Variants in PPEF1 observed in about 807,000 individuals in gnomAD.
PPEF1 encodes serine/threonine-protein phosphatase with EF-hands 1.
PPEF1 carries 12 observed loss-of-function variants against 53.3 expected under a neutral mutation model. The ratio of observed to expected loss-of-function variants is 0.23; its 90% CI spans 0.14 to 0.36. The LOEUF (loss-of-function observed/expected upper bound fraction) is 0.36. Among genes scored for constraint, PPEF1 ranks in the 10% least tolerant of loss-of-function variants. PPEF1 has a pLI of 1.00. For missense variants in PPEF1, 334 were observed against 490.4 expected (o/e 0.68, Z 3.01); for synonymous variants, 165 against 176.7 (o/e 0.93, Z 0.52).
chrX:18,692,080 A>T (rs1407508838), intron 4 of PPEF1, among the ~76,000 whole-genome samples: 1 of 111,557 alleles, frequency 9.0e-6, no homozygotes, highest in African/African-American at 3.3e-5. Flanking sequence ...ATCTTCTCTA[A>T]TCACTTCAGC....
intron 4 of PPEF1, among the ~76,000 whole-genome samples, chrX:18,692,815 G>A (rs1254651869): frequency 9.0e-6 from 1 of 111,650 alleles, no homozygotes; most frequent in East Asian, 2.8e-4. Flanking sequence ...CAGTCTGTAC[G>A]GCATTTTGAG....
At chrX:18,805,838 TC>T (rs1216747912) in intron 11 of PPEF1, among the ~76,000 whole-genome samples, 6 of 51,351 alleles carry the variant, frequency 1.2e-4, no homozygotes, top group Admixed American at 6.2e-4. Flanking sequence ...CGAGACTCCA[TC>T]TTAAAAAAAA....
chrX:18,731,075 G>A (rs889528227), intron 2 of PPEF1, among the ~76,000 whole-genome samples: 5 of 112,546 alleles, frequency 4.4e-5, no homozygotes, highest in Admixed American at 2.8e-4. Context: ...TTTTAAAAAA[G>A]TACTTTTAAC....
intron 4 of PPEF1, among the ~76,000 whole-genome samples, chrX:18,756,248 T>C (rs1422357283): frequency 7.2e-5 from 8 of 110,900 alleles, no homozygotes; most frequent in Non-Finnish European, 1.5e-4. Context: ...GGCGCAATCT[T>C]GGCTCACTGC....
intron 4 of PPEF1, among the ~76,000 whole-genome samples, chrX:18,750,295 A>G (rs757890500): frequency 1.8e-5 from 2 of 111,374 alleles, no homozygotes; most frequent in East Asian, 2.8e-4. Context: ...ATCACTCCCA[A>G]TAGAAAGGCC....
At chrX:18,720,767 C>T (rs1406089123) in intron 1 of PPEF1, among the ~76,000 whole-genome samples, 1 of 110,900 alleles carries the variant, frequency 9.0e-6, no homozygotes, top group African/African-American at 3.3e-5. Context: ...ACTCTCCACC[C>T]ACTCTGAGCC....
chrX:18,809,577 C>T (rs2046762482), intron 12 of PPEF1, among the ~76,000 whole-genome samples: 1 of 109,060 alleles, frequency 9.2e-6, no homozygotes, highest in Non-Finnish European at 1.9e-5. Context: ...TGATGGCGCA[C>T]ACCTGTAATC....
chrX:18,753,261 A>G (rs2045480681), intron 4 of PPEF1, among the ~76,000 whole-genome samples: 1 of 111,171 alleles, frequency 9.0e-6, no homozygotes, highest in African/African-American at 3.3e-5. Context: ...CATCTCATCT[A>G]AGTAATCTAA....
chrX:18,740,687 G>A (rs2045132603), intron 3 of PPEF1, among the ~76,000 whole-genome samples: 1 of 111,489 alleles, frequency 9.0e-6, no homozygotes, highest in African/African-American at 3.3e-5. Flanking sequence ...GGGATTACAG[G>A]CATGAGCCAC....
intron 1 of PPEF1, among the ~76,000 whole-genome samples, chrX:18,714,837 A>T (rs2147310309): frequency 8.9e-6 from 1 of 112,050 alleles, no homozygotes; most frequent in South Asian, 3.7e-4. Context: ...AGAAAAGGAA[A>T]TGAGGCTTTG....
upstream of PPEF1, among the ~76,000 whole-genome samples, chrX:18,679,154 A>G (rs1928784432): frequency 9.0e-6 from 1 of 111,485 alleles, no homozygotes. Context: ...GCTCACTGCA[A>G]CCTCCACCTC....
At chrX:18,707,877 C>T in intron 1 of PPEF1, 51 bp downstream of exon 1, 1 of 1,075,155 alleles carries the variant, frequency 9.3e-7, no homozygotes, top group Non-Finnish European at 1.3e-6. Flanking sequence ...GGAAAATGAG[C>T]TGCCCTCACC....
chrX:18,778,947 C>T (rs968004656), intron 6 of PPEF1, 63 bp from the exon 7 acceptor site: 9 of 1,037,811 alleles, frequency 8.7e-6, no homozygotes, highest in Non-Finnish European at 9.2e-6. Context: ...GTTATGTACA[C>T]GGCCTGACTT....
intron 12 of PPEF1, among the ~76,000 whole-genome samples, chrX:18,807,906 C>T (rs377055202): frequency 2.0e-4 from 22 of 108,873 alleles, no homozygotes; most frequent in East Asian, 8.7e-4. Flanking sequence ...GTGATTTGCC[C>T]GCCTCGGCCT....
chrX:18,741,772 C>CTTTTTTT lies in PPEF1; in HGVS notation c.235+7982_235+7988dup, dbSNP rs58971135. On this transcript the variant is annotated intron_variant, in intron 3 of 15. Transcript: ENST00000470157. ...ACCCATTTGAGTCTGGCTGCTGCTT[C>CTTTTTTT]TTTTTTTTTTTTTTTTTTTTTTTTA... Among the ~76,000 whole-genome samples the CTTTTTTT allele has an allele frequency of 1.9e-3, 124 of 66,317 alleles. 1 individual carries two copies. The highest frequency in any genetic ancestry group is 6.9e-3 in the African/African-American group (118 of 16,992). The allele number at this position is 66,317 out of a possible 115,157, so 57.6% of individuals were successfully genotyped here. A position where few individuals can be genotyped will look rare whatever the true frequency, so the allele number is the denominator to read the frequency against.
Position 18,818,022 on chromosome X carries a change from T to G in PPEF1, c.1395-17T>G. The G allele has an allele frequency of 9.3e-7, 1 of 1,076,926 alleles. No homozygotes were observed. The highest frequency in any genetic ancestry group is 2.1e-5 in the South Asian group (1 of 46,687). 88.8% of individuals were successfully genotyped at this position (1,076,926 alleles called of 1,213,427 possible). A position where few individuals can be genotyped will look rare whatever the true frequency, so the allele number is the denominator to read the frequency against. On this transcript the variant is annotated splice_polypyrimidine_tract_variant and intron_variant, in intron 12 of 15. Coordinates refer to ENST00000470157, the MANE Select transcript of PPEF1 (RefSeq NM_001377996.1). ...ATGATTTATGTTACTTTTACCTAATTATTGTTTTCTTTGCAGAGTGGATAC... is the reference window on the plus strand; with the variant it reads ...ATGATTTATGTTACTTTTACCTAATGATTGTTTTCTTTGCAGAGTGGATAC...
intron 4 of PPEF1, among the ~76,000 whole-genome samples, chrX:18,693,589 G>A (rs1161302074): frequency 9.0e-6 from 1 of 111,452 alleles, no homozygotes; most frequent in Admixed American, 9.5e-5. Context: ...TTTTCGAGAC[G>A]GAGTTTTTCT....
At chrX:18,680,112 C>T (rs1928820633), upstream of PPEF1, among the ~76,000 whole-genome samples, 1 of 108,412 alleles carries the variant, frequency 9.2e-6, no homozygotes, top group African/African-American at 3.4e-5. Flanking sequence ...AAAAAAAATC[C>T]TATAACTTTG....
intron 1 of PPEF1, among the ~76,000 whole-genome samples, chrX:18,710,633 C>T (rs73458627): frequency 0.048 from 5,292 of 111,260 alleles, 272 homozygotes; most frequent in African/African-American, 0.15. Context: ...TGAGATACCA[C>T]CTTACATACC....
Sources: allele counts gnomAD v4.1 joint callset (sites outside exome capture counted in the v4.1 genomes callset), GRCh38; gene constraint gnomAD v4.1.1; transcripts MANE v1.5; gene names NCBI Gene and HGNC (gene_info 2026-07-23, HGNC 2026-07-21).